The following DGKB variants were observed in gnomAD, a reference collection of about 807,000 sequenced individuals.
DGKB encodes 90 kDa diacylglycerol kinase.
DGKB carries 67 observed loss-of-function variants against 114.3 expected under a neutral mutation model. The observed-to-expected ratio is 0.59, with a 90% CI of 0.48 to 0.72. DGKB has a LOEUF of 0.72. DGKB is among the 30% of genes least tolerant of loss of function. DGKB has a pLI of 0.00. For missense variants in DGKB, 907 were observed against 975.2 expected (o/e 0.93, Z 0.93); for synonymous variants, 398 against 323.1 (o/e 1.23, Z -2.49).
At chr7:14,664,168 T>C (rs867040953) in intron 13 of DGKB, among the ~76,000 whole-genome samples, 1 of 152,048 alleles carries the variant, frequency 6.6e-6, no homozygotes, top group Non-Finnish European at 1.5e-5. Flanking sequence ...GAACTTCCCC[T>C]GCACATCAGT....
rs1294364845 is a variant in DGKB at position 14,147,800 on chromosome 7, G to A, written c.*1331C>T. On this transcript the variant is annotated 3_prime_UTR_variant, in exon 26 of 26. Transcript: ENST00000402815. The stretch of plus-strand genomic sequence containing the variant: ...TTTCATTTTACATCATAGGCTTAAT[G>A]AAACACTAAAAGAAAAGTACTGTTC... The A allele has an allele frequency of 2.0e-5, 3 of 152,472 alleles. No homozygotes were observed. The highest frequency in any genetic ancestry group is 7.2e-5 in the African/African-American group (3 of 41,420). 9.4% of individuals were successfully genotyped at this position (152,472 alleles called of 1,614,324 possible).
At chr7:14,379,552 T>A (rs1409155403) in intron 21 of DGKB, among the ~76,000 whole-genome samples, 2 of 151,992 alleles carry the variant, frequency 1.3e-5, no homozygotes, top group African/African-American at 4.8e-5. Context: ...CAATTGCTTT[T>A]TTTATTTTAT....
At chr7:14,163,227 TCAC>T (rs1784158053) in intron 25 of DGKB, among the ~76,000 whole-genome samples, 1 of 152,164 alleles carries the variant, frequency 6.6e-6, no homozygotes, top group East Asian at 1.9e-4. Flanking sequence ...TGGAAATTAG[TCAC>T]AATCAATCCT....
intron 20 of DGKB, among the ~76,000 whole-genome samples, chr7:14,537,583 C>T (rs956081358): frequency 1.3e-5 from 2 of 152,100 alleles, no homozygotes; most frequent in Non-Finnish European, 2.9e-5. Context: ...AGATATCCCC[C>T]TCCAAAAGAA....
At chr7:14,232,995 G>A (rs1445303464) in intron 23 of DGKB, among the ~76,000 whole-genome samples, 3 of 151,998 alleles carry the variant, frequency 2.0e-5, no homozygotes, top group African/African-American at 7.2e-5. Context: ...TGGTCACTCT[G>A]AAATAGCATT....
At chr7:14,232,250 A>G (rs1791987608) in intron 23 of DGKB, among the ~76,000 whole-genome samples, 1 of 151,906 alleles carries the variant, frequency 6.6e-6, no homozygotes, top group African/African-American at 2.4e-5. Context: ...AGAGACCCCT[A>G]CATACTGGCC....
chr7:14,357,393 GT>G (rs570227539), intron 21 of DGKB, among the ~76,000 whole-genome samples: 1 of 152,248 alleles, frequency 6.6e-6, no homozygotes, highest in South Asian at 2.1e-4. Context: ...TTTAAAGTCT[GT>G]TTTATCAGAG....
At chr7:14,883,793 T>A (rs920433748) in intron 1 of DGKB, among the ~76,000 whole-genome samples, 2 of 152,010 alleles carry the variant, frequency 1.3e-5, no homozygotes, top group African/African-American at 4.8e-5. Context: ...TTAACTAAGG[T>A]CATAACAAAT....
chr7:14,430,137 C>G (rs1828242663), intron 21 of DGKB, among the ~76,000 whole-genome samples: 1 of 152,002 alleles, frequency 6.6e-6, no homozygotes, highest in Non-Finnish European at 1.5e-5. Context: ...CGTTTTGGGT[C>G]CTAGCAAGTG....
At chr7:14,952,997 T>C (rs1054615721) in intron 1 of DGKB, among the ~76,000 whole-genome samples, 7 of 151,966 alleles carry the variant, frequency 4.6e-5, no homozygotes, top group African/African-American at 1.5e-4. Context: ...GTTTTAGCAA[T>C]TGAACATGCA....
At chr7:14,752,541 A>T (rs1451256009) in intron 4 of DGKB, among the ~76,000 whole-genome samples, 1 of 152,194 alleles carries the variant, frequency 6.6e-6, no homozygotes, top group East Asian at 1.9e-4. Flanking sequence ...GAGCACACAT[A>T]GAGCAGTAAT....
intron 2 of DGKB, among the ~76,000 whole-genome samples, chr7:14,771,385 C>A (rs1410541743): frequency 2.0e-5 from 3 of 151,988 alleles, no homozygotes; most frequent in South Asian, 2.1e-4. Flanking sequence ...CGTTATTGGG[C>A]GGCAAGAATA....
In DGKB at chr7:14,289,877, A is replaced by AT. The variant is rs202172304; in HGVS notation, c.2122+48637dup. ...AGGCAAACGGAACTTTGCAAATCAA[A>AT]TATCATCATTAGTAAGAGGAAAAAA... On this transcript the variant is annotated intron_variant, in intron 23 of 25. Transcript: ENST00000402815. 6.7e-3 allele frequency among the ~76,000 whole-genome samples: 1,027 copies of AT among 152,306 alleles called. 14 individuals carry two copies. Among genetic ancestry groups the AT allele is most frequent in the African/African-American group, 0.024 (983 of 41,576 alleles).
At chr7:14,537,735 A>G (rs890737220) in intron 20 of DGKB, among the ~76,000 whole-genome samples, 8 of 152,274 alleles carry the variant, frequency 5.3e-5, no homozygotes, top group Admixed American at 5.2e-4. Context: ...GATCTTGACA[A>G]TGATTACTTC....
At chr7:14,164,238 T>C (rs114386460) in intron 25 of DGKB, among the ~76,000 whole-genome samples, 428 of 152,328 alleles carry the variant, frequency 2.8e-3, no homozygotes, top group African/African-American at 9.8e-3. Context: ...CACGTTCTTC[T>C]GTTGATTTTT....
intron 1 of DGKB, among the ~76,000 whole-genome samples, chr7:14,847,781 T>C (rs1328674342): frequency 6.6e-6 from 1 of 152,240 alleles, no homozygotes; most frequent in Non-Finnish European, 1.5e-5. Context: ...AAGCCAGGTT[T>C]ATTTAAACTA....
chr7:14,663,964 C>G (rs144233800), intron 13 of DGKB, among the ~76,000 whole-genome samples: 2 of 152,024 alleles, frequency 1.3e-5, no homozygotes, highest in East Asian at 3.9e-4. Flanking sequence ...TACCATTTGT[C>G]CAGCTACAAA....
intron 12 of DGKB, among the ~76,000 whole-genome samples, chr7:14,676,233 A>G (rs1359203859): frequency 6.6e-6 from 1 of 152,126 alleles, no homozygotes; most frequent in Non-Finnish European, 1.5e-5. Context: ...TACTGCTTAC[A>G]GAACATTCAT....
intron 4 of DGKB, among the ~76,000 whole-genome samples, chr7:14,746,257 C>G (rs967040701): frequency 9.2e-5 from 14 of 152,060 alleles, no homozygotes; most frequent in African/African-American, 3.4e-4. Flanking sequence ...TCACTTGAAC[C>G]TTGGAGGCAG....
Sources: gnomAD v4.1 joint callset for allele counts (sites outside exome capture counted in the v4.1 genomes callset) on GRCh38, gnomAD v4.1.1 for gene constraint, MANE v1.5 for transcripts, NCBI Gene and HGNC (gene_info 2026-07-23, HGNC 2026-07-21) for gene names.